MAX: variants seen among roughly 807,000 people sequenced by gnomAD.
MAX encodes protein max.
In MAX, 3 loss-of-function variants were observed where a neutral mutation model predicts 22.3. That is an observed-to-expected ratio of 0.13 (90% CI 0.06 to 0.35). The LOEUF (loss-of-function observed/expected upper bound fraction) is 0.35, where lower values mean the gene tolerates loss of function less well. MAX is among the 10% of genes least tolerant of loss of function. The pLI is 1.00. For missense variants in MAX, 119 were observed against 209.4 expected, an observed-to-expected ratio of 0.57 and a Z score of 2.66; for synonymous variants, 72 against 77.7, an observed-to-expected ratio of 0.93 and a Z score of 0.39.
Position 65,031,835 on chromosome 14 carries a change from T to C in MAX, c.172-25551A>G, listed in dbSNP as rs142601844. Among the ~76,000 whole-genome samples the C allele has an allele frequency of 1.3e-5, 2 of 152,104 alleles. No individual in the cohort carries two copies. The highest frequency in any genetic ancestry group is 2.0e-4 in the East Asian group (1 of 5,100). On this transcript the variant is annotated intron_variant, in intron 3 of 3. Coordinates refer to the MAX transcript ENST00000341653. This position sits in a 1 kb window ranked among gnomAD's most constrained non-coding sequence, Gnocchi z 4.6. ...ACTTGGGAGGCTGATACAGGAGAAT[T>C]GCTTGAACCCAGGAGGCGGAGGTTG...
At chr14:65,100,267 T>C (rs1049775965) in intron 2 of MAX, among the ~76,000 whole-genome samples, 3 of 152,072 alleles carry the variant, frequency 2.0e-5, no homozygotes, top group African/African-American at 7.2e-5. Context: ...CTGGCCAACA[T>C]GGTGAAACCC....
rs1409410858 is a variant in MAX at position 65,044,715 on chromosome 14, G to A, written c.172-38431C>T. 21 of 465,342 alleles carry A rather than the reference G, an allele frequency of 4.5e-5. No individual in the cohort carries two copies. The highest frequency in any genetic ancestry group is 7.3e-5 in the Non-Finnish European group (20 of 272,164). The allele number at this position is 465,342 out of a possible 1,614,324, so 28.8% of individuals were successfully genotyped here. On this transcript the variant is annotated intron_variant, in intron 3 of 3. Coordinates refer to the MAX transcript ENST00000341653. This position sits in a 1 kb window ranked among gnomAD's most constrained non-coding sequence, Gnocchi z 5.5. ...TACGGGGAGCGGGGAGGAAGTGGGCGCTGCTTCTGCGTTATCTGGAAGGAG... is the reference window on the plus strand; with the variant it reads ...TACGGGGAGCGGGGAGGAAGTGGGCACTGCTTCTGCGTTATCTGGAAGGAG...
chr14:65,101,659 G>T, intron 1 of MAX, 87 bp from the exon 2 acceptor site: 2 of 1,062,162 alleles, frequency 1.9e-6, no homozygotes, highest in Non-Finnish European at 1.4e-6. Flanking sequence ...AATGCCGGCG[G>T]CAGAGGAAGC....
At chr14:65,041,929 T>G (rs2062362382) in intron 3 of MAX, among the ~76,000 whole-genome samples, 1 of 152,210 alleles carries the variant, frequency 6.6e-6, no homozygotes. Context: ...GTGTTCTAGA[T>G]TTGAACCCTG....
chr14:65,015,156 G>A (rs2139522711), intron 3 of MAX, among the ~76,000 whole-genome samples: 1 of 150,432 alleles, frequency 6.6e-6, no homozygotes, highest in Non-Finnish European at 1.5e-5. Context: ...AGGCTGGAGT[G>A]CAGTGGTGCC....
rs1334252388 is a variant in MAX at position 65,011,795 on chromosome 14, G to A, written c.172-5511C>T. ...GGCCAGGGCTGTGGGTCACACGTGG[G>A]AGGTGGAATTTCAGGGAGAGAATAA... is the stretch of plus-strand genomic sequence containing the variant. On this transcript the variant is annotated intron_variant, in intron 3 of 3. Coordinates refer to the MAX transcript ENST00000341653. This position sits in a 1 kb window ranked among gnomAD's most constrained non-coding sequence, Gnocchi z 4.0. Among the ~76,000 whole-genome samples the A allele has an allele frequency of 1.3e-5, 2 of 152,236 alleles. No individual in the cohort carries two copies. The highest frequency in any genetic ancestry group is 3.8e-4 in the East Asian group (2 of 5,200).
In MAX at chr14:65,088,754, G is replaced by A. The variant is rs1300287240; in HGVS notation, c.171+4954C>T. Among the ~76,000 whole-genome samples the A allele has an allele frequency of 2.0e-5, 3 of 152,094 alleles. No homozygotes were observed. The highest frequency in any genetic ancestry group is 1.3e-4 in the Admixed American group (2 of 15,268). On this transcript the variant is annotated intron_variant, in intron 3 of 4. Coordinates refer to ENST00000358664, the MANE Select transcript of MAX (RefSeq NM_002382.5). The surrounding 1 kb of genome is among the most constrained non-coding windows in gnomAD (Gnocchi z 5.2). ...AAGGAGACATTCTCCCTGCCTTCAC[G>A]GTACTTATTGTAGTGTAGTGCCAGC...
chr14:65,046,206 C>A (rs559201103), intron 3 of MAX, among the ~76,000 whole-genome samples: 53 of 152,252 alleles, frequency 3.5e-4, no homozygotes, highest in African/African-American at 1.3e-3. Context: ...GAACTCCTGA[C>A]CTCAGGTGAT....
Position 65,077,685 on chromosome 14 carries a change from A to G in MAX, c.295+228T>C. The G allele has an allele frequency of 6.5e-7, 1 of 1,539,732 alleles. No individual in the cohort carries two copies. Among genetic ancestry groups the G allele is most frequent in the Non-Finnish European group, 8.8e-7 (1 of 1,140,046 alleles). ...GGAGAGGTCAGGCCAGAAAAGATAC[A>G]AGTCTCCAGATGTCCAACTTCCTAG... On this transcript the variant is annotated intron_variant, in intron 4 of 4. Coordinates refer to ENST00000358664, the MANE Select transcript of MAX (RefSeq NM_002382.5). The surrounding 1 kb of genome is among the most constrained non-coding windows in gnomAD (Gnocchi z 6.3).
rs538219974 is a variant in MAX at position 65,011,034 on chromosome 14, C to T, written c.172-4750G>A. Among the ~76,000 whole-genome samples the T allele has an allele frequency of 4.1e-4, 63 of 152,308 alleles. No individual in the cohort carries two copies. Among genetic ancestry groups the T allele is most frequent in the African/African-American group, 1.5e-3 (61 of 41,562 alleles). The stretch of plus-strand genomic sequence containing the variant: ...CATGAGATATCCCCTCCCTTTTGAG[C>T]CTCAGTAGTATGTTTTTCCCTTGCA... On this transcript the variant is annotated intron_variant, in intron 3 of 3. Transcript: ENST00000341653. The surrounding 1 kb of genome is among the most constrained non-coding windows in gnomAD (Gnocchi z 4.0).
rs897989200 is a variant in MAX, at chr14:65,069,404, T to A, written c.171+24304A>T. The stretch of plus-strand genomic sequence containing the variant: ...AAACCGCTCTCACTGAGGGCCCATC[T>A]CCTGAACTCCTCTGGCATTCAGAGC... On this transcript the variant is annotated intron_variant, in intron 3 of 3. Coordinates refer to the MAX transcript ENST00000341653. The surrounding 1 kb of genome is among the most constrained non-coding windows in gnomAD (Gnocchi z 4.6). Among the ~76,000 whole-genome samples the A allele has an allele frequency of 6.6e-6, 1 of 152,182 alleles. No homozygotes were observed. The highest frequency in any genetic ancestry group is 6.5e-5 in the Admixed American group (1 of 15,272).
At position 65,078,938 on chromosome 14, in the gene MAX, G is replaced by A. The variant is rs1595133260; in HGVS notation, c.172-902C>T. 1.3e-5 allele frequency among the ~76,000 whole-genome samples: 2 copies of A among 152,282 alleles called. No individual in the cohort carries two copies. The highest frequency in any genetic ancestry group is 6.5e-5 in the Admixed American group (1 of 15,302). On this transcript the variant is annotated intron_variant, in intron 3 of 4. Coordinates refer to ENST00000358664, the MANE Select transcript of MAX (RefSeq NM_002382.5). The surrounding 1 kb of genome is among the most constrained non-coding windows in gnomAD (Gnocchi z 6.4). ...AACCCAAGGATCAGAGAAGTACACC[G>A]CTTTATTCAAAATCACCAGCTGCAC...
chr14:65,087,402 G>A (rs1424660951), intron 3 of MAX, among the ~76,000 whole-genome samples: 2 of 152,216 alleles, frequency 1.3e-5, no homozygotes, highest in South Asian at 4.1e-4. Flanking sequence ...GCCTGTGAAA[G>A]CAGCCAGGAA....
intron 3 of MAX, among the ~76,000 whole-genome samples, chr14:65,064,446 T>C (rs901219208): frequency 6.6e-6 from 1 of 152,188 alleles, no homozygotes; most frequent in African/African-American, 2.4e-5. Flanking sequence ...CCTCCCTCCA[T>C]CTTTCTACAT....
chr14:65,076,396 T>G lies in MAX; in HGVS notation c.*80A>C, dbSNP rs1320861139. ...AAATAAAGAGTCTCTTAAATGGTTC[T>G]GAGGGCTCTACCAACGAACTGAAAG... On this transcript the variant is annotated 3_prime_UTR_variant, in exon 5 of 5. Coordinates refer to ENST00000358664, the MANE Select transcript of MAX (RefSeq NM_002382.5). The surrounding 1 kb of genome is among the most constrained non-coding windows in gnomAD (Gnocchi z 6.6). The G allele has an allele frequency of 1.2e-6, 2 of 1,611,044 alleles. No individual in the cohort carries two copies. Among genetic ancestry groups the G allele is most frequent in the Middle Eastern group, 2.2e-4 (1 of 4,452 alleles).
rs1017959716 is a variant in MAX, at chr14:65,014,696, C to G, written c.172-8412G>C. Among the ~76,000 whole-genome samples the G allele has an allele frequency of 5.9e-5, 9 of 152,096 alleles. No homozygotes were observed. Among genetic ancestry groups the G allele is most frequent in the Non-Finnish European group, 8.8e-5 (6 of 68,026 alleles). ...AGGCATAGTGGTGTGTGCCCGTAGT[C>G]CCAGCTACTTAGGAGGCTGAGGTGG... On this transcript the variant is annotated intron_variant, in intron 3 of 3. Transcript: ENST00000341653. This position sits in a 1 kb window ranked among gnomAD's most constrained non-coding sequence, Gnocchi z 5.1.
At chr14:65,021,636 G>A (rs1382162301) in intron 3 of MAX, among the ~76,000 whole-genome samples, 1 of 152,088 alleles carries the variant, frequency 6.6e-6, no homozygotes, top group African/African-American at 2.4e-5. Context: ...GAGAAACTCT[G>A]CTCTAAAGTA....
Position 65,069,566 on chromosome 14 carries a change from C to T in MAX, c.171+24142G>A, listed in dbSNP as rs541101548. 3.3e-5 allele frequency among the ~76,000 whole-genome samples: 5 copies of T among 152,340 alleles called. No homozygotes were observed. Among genetic ancestry groups the T allele is most frequent in the Non-Finnish European group, 7.4e-5 (5 of 68,020 alleles). Reference sequence around the variant, plus strand: ...TGAGGCTACGTGCTGCTCAAATACCCGAGGGTTGAACTCACGCAGAGGCAA... The same window carrying T: ...TGAGGCTACGTGCTGCTCAAATACCTGAGGGTTGAACTCACGCAGAGGCAA... On this transcript the variant is annotated intron_variant, in intron 3 of 3. Transcript: ENST00000341653. The surrounding 1 kb of genome is among the most constrained non-coding windows in gnomAD (Gnocchi z 4.6).
intron 3 of MAX, among the ~76,000 whole-genome samples, chr14:65,055,487 C>G (rs780376382): frequency 6.6e-6 from 1 of 151,934 alleles, no homozygotes; most frequent in South Asian, 2.1e-4. Context: ...TGTAACCTTC[C>G]TTTTTTGTTT....
Sources: allele counts gnomAD v4.1 joint callset (sites outside exome capture counted in the v4.1 genomes callset), GRCh38; gene constraint gnomAD v4.1.1; non-coding constraint Gnocchi (gnomAD v3.1); transcripts MANE v1.5; gene names NCBI Gene and HGNC (gene_info 2026-07-23, HGNC 2026-07-21).